Variants in ST8SIA6 observed in about 807,000 individuals in gnomAD.
ST8SIA6 encodes the protein ST8 alpha-N-acetyl-neuraminide alpha-2,8-sialyltransferase 6.
Under a neutral mutation model 33.6 loss-of-function variants are expected in ST8SIA6, and 39 were observed. The ratio of observed to expected loss-of-function variants is 1.16; its 90% CI spans 0.90 to 1.52. The LOEUF (loss-of-function observed/expected upper bound fraction) is 1.52. Among genes scored for constraint, ST8SIA6 ranks in the 40% most tolerant of loss-of-function variants. The pLI, the probability that ST8SIA6 is intolerant of heterozygous loss-of-function variation, is 0.00. For synonymous variants in ST8SIA6, 172 were observed against 167.2 expected (o/e 1.03, Z -0.22); for missense variants, 441 against 443.8 (o/e 0.99, Z 0.06).
At chr10:17,387,217 G>T (rs1284445637) in intron 3 of ST8SIA6, 1 of 152,076 alleles carries the variant, frequency 6.6e-6, no homozygotes. Flanking sequence ...CAAGCTTAAG[G>T]CCCGCTAGTT....
chr10:17,381,269 C>A (rs1850142483), intron 3 of ST8SIA6, among the ~76,000 whole-genome samples: 1 of 151,994 alleles, frequency 6.6e-6, no homozygotes, highest in Non-Finnish European at 1.5e-5. Context: ...AATGTGCAAA[C>A]TTAAGGCTAT....
chr10:17,424,811 G>A (rs1295845582), intron 2 of ST8SIA6, among the ~76,000 whole-genome samples: 1 of 150,180 alleles, frequency 6.7e-6, no homozygotes, highest in Non-Finnish European at 1.5e-5. Context: ...TCGGCTCACT[G>A]CAACTTCTGC....
chr10:17,362,690 T>G (rs1040983923), intron 3 of ST8SIA6, among the ~76,000 whole-genome samples: 1 of 152,116 alleles, frequency 6.6e-6, no homozygotes, highest in African/African-American at 2.4e-5. Flanking sequence ...TGCTGATTTG[T>G]TTTCATTAAC....
rs553767901 is a variant in ST8SIA6 at position 17,362,961 on chromosome 10, C to T, written c.291-3361G>A. Among the ~76,000 whole-genome samples the T allele has an allele frequency of 9.9e-5, 15 of 152,272 alleles. No individual in the cohort carries two copies. In the East Asian group the frequency reaches 2.5e-3, roughly 25 times the overall value. On this transcript the variant is annotated intron_variant, in intron 3 of 7. Transcript: ENST00000377602. ...TCCTGACCTTGTGATCTACCCACCT[C>T]GGCCTCCCAAAGTGCTGGGATTACA...
Position 17,333,709 on chromosome 10 carries a change from ATATATATAT to A in ST8SIA6, c.378-2166_378-2158del, listed in dbSNP as rs1848398094. Among the ~76,000 whole-genome samples, 9 of 26,070 alleles carry A rather than the reference ATATATATAT, an allele frequency of 3.5e-4. No individual in the cohort carries two copies. In the Admixed American group the frequency reaches 4.4e-3, roughly 13 times the overall value. The allele number at this position is 26,070 out of a possible 152,430, so 17.1% of individuals were successfully genotyped here. On this transcript the variant is annotated intron_variant, in intron 4 of 7. Coordinates refer to ENST00000377602, the MANE Select transcript of ST8SIA6 (RefSeq NM_001004470.3). ...TATATATATATATATATATATATATATATATATATTTTTTTTTTTTTTTTTTTTTTTTGC... is the reference window on the plus strand; with the variant it reads ...TATATATATATATATATATATATATATTTTTTTTTTTTTTTTTTTTTTTGC...
intron 2 of ST8SIA6, among the ~76,000 whole-genome samples, chr10:17,429,959 G>T (rs1273939206): frequency 3.3e-5 from 5 of 152,034 alleles, no homozygotes; most frequent in Non-Finnish European, 5.9e-5. Flanking sequence ...TGGATGAATT[G>T]TACAGTGGTG....
chr10:17,419,347 C>T (rs1851706321), intron 2 of ST8SIA6, among the ~76,000 whole-genome samples: 1 of 152,226 alleles, frequency 6.6e-6, no homozygotes, highest in African/African-American at 2.4e-5. Flanking sequence ...GCCTGGGCAA[C>T]ATGGTGAGAC....
chr10:17,339,288 C>A (rs934037743), intron 4 of ST8SIA6, among the ~76,000 whole-genome samples: 1 of 152,150 alleles, frequency 6.6e-6, no homozygotes, highest in African/African-American at 2.4e-5. Context: ...CCGAGGCTAA[C>A]GACCTAAAGG....
chr10:17,377,284 CT>C (rs1391606590), intron 3 of ST8SIA6, among the ~76,000 whole-genome samples: 2 of 152,174 alleles, frequency 1.3e-5, no homozygotes, highest in African/African-American at 4.8e-5. Flanking sequence ...TGCCCCACCC[CT>C]CTCTCCCTTT....
chr10:17,355,425 G>C (rs1849159508), intron 4 of ST8SIA6, among the ~76,000 whole-genome samples: 1 of 152,152 alleles, frequency 6.6e-6, no homozygotes, highest in African/African-American at 2.4e-5. Context: ...CAGTCATAGA[G>C]CAATTTATTG....
At position 17,378,934 on chromosome 10, in the gene ST8SIA6, G is replaced by A. The variant is rs887593075; in HGVS notation, c.290+11597C>T. Reference sequence around the variant, plus strand: ...GAGGTCAGGAGATCAAGACCATCCTGGCTAACATGGTGAAACCCCGTTACT... The same window carrying A: ...GAGGTCAGGAGATCAAGACCATCCTAGCTAACATGGTGAAACCCCGTTACT... On this transcript the variant is annotated intron_variant, in intron 3 of 7. Coordinates refer to ENST00000377602, the MANE Select transcript of ST8SIA6 (RefSeq NM_001004470.3). 3.3e-5 allele frequency among the ~76,000 whole-genome samples: 5 copies of A among 152,058 alleles called. No individual in the cohort carries two copies. The South Asian group carries it at 6.2e-4, about 19-fold the overall frequency.
Position 17,454,104 on chromosome 10 carries a change from C to A in ST8SIA6, c.101+51G>T. 1 of 255,020 alleles carries A rather than the reference C, an allele frequency of 3.9e-6. No individual in the cohort carries two copies. The highest frequency in any genetic ancestry group is 7.4e-6 in the Non-Finnish European group (1 of 135,580). The allele number at this position is 255,020 out of a possible 1,614,324, so 15.8% of individuals were successfully genotyped here. On this transcript the variant is annotated intron_variant, in intron 1 of 7. Transcript: ENST00000377602. The surrounding 1 kb of genome is among the most constrained non-coding windows in gnomAD (Gnocchi z 4.1). ...GATGGGCGGCTTGGGGGTCCGGGGG[C>A]GCCAGGCGGGGCGCGCGGCGCGGGG...
intron 4 of ST8SIA6, among the ~76,000 whole-genome samples, chr10:17,335,678 G>A (rs1848476511): frequency 6.6e-6 from 1 of 152,120 alleles, no homozygotes; most frequent in African/African-American, 2.4e-5. Context: ...AAATGAAATG[G>A]TGTGTAGTCA....
At chr10:17,452,593 G>T (rs1373251751) in intron 2 of ST8SIA6, among the ~76,000 whole-genome samples, 1 of 152,142 alleles carries the variant, frequency 6.6e-6, no homozygotes, top group East Asian at 1.9e-4. Context: ...ACTCCTGTCT[G>T]TCCATCTTGG....
intron 2 of ST8SIA6, among the ~76,000 whole-genome samples, chr10:17,399,382 T>C (rs1264011143): frequency 6.6e-6 from 1 of 152,206 alleles, no homozygotes; most frequent in Non-Finnish European, 1.5e-5. Context: ...TTTTGGTGAA[T>C]GCCATTTAAT....
In ST8SIA6 at chr10:17,424,410, C is replaced by T. The variant is rs1029865513; in HGVS notation, c.200+29149G>A. On this transcript the variant is annotated intron_variant, in intron 2 of 7. Coordinates refer to ENST00000377602, the MANE Select transcript of ST8SIA6 (RefSeq NM_001004470.3). ...TGAGCCACCGTTCCTGGCCTATTTC[C>T]AAGTTCTGTTGTTGCATCATTGTCA... Among the ~76,000 whole-genome samples, 5 of 152,000 alleles carry T rather than the reference C, an allele frequency of 3.3e-5. No individual in the cohort carries two copies. In the East Asian group the frequency reaches 9.7e-4, roughly 29 times the overall value.
intron 2 of ST8SIA6, among the ~76,000 whole-genome samples, chr10:17,393,402 T>G (rs1850690699): frequency 1.3e-5 from 2 of 152,220 alleles, no homozygotes; most frequent in African/African-American, 4.8e-5. Flanking sequence ...CCAAATTGCT[T>G]CAGTCTTGTG....
intron 2 of ST8SIA6, among the ~76,000 whole-genome samples, chr10:17,397,943 G>A (rs192884473): frequency 1.1e-3 from 169 of 152,304 alleles, no homozygotes; most frequent in Admixed American, 2.2e-3. Flanking sequence ...TTCTTGAATT[G>A]AAAGTGATCA....
chr10:17,373,389 T>C (rs114872113), intron 3 of ST8SIA6, among the ~76,000 whole-genome samples: 259 of 152,298 alleles, frequency 1.7e-3, no homozygotes, highest in African/African-American at 5.9e-3. Flanking sequence ...CTTATAAATA[T>C]GCATAACTTT....
Sources: gnomAD v4.1 joint callset for allele counts (sites outside exome capture counted in the v4.1 genomes callset) on GRCh38, gnomAD v4.1.1 for gene constraint, Gnocchi (gnomAD v3.1) non-coding constraint, MANE v1.5 for transcripts, NCBI Gene and HGNC (gene_info 2026-07-23, HGNC 2026-07-21) for gene names.